TCOF1: variants seen among roughly 807,000 people sequenced by gnomAD.
TCOF1 encodes treacle ribosome biogenesis factor 1, also known as treacle protein.
A neutral mutation model predicts 149.0 loss-of-function variants in TCOF1; 33 were observed. The observed-to-expected ratio is 0.22, with a 90% CI of 0.17 to 0.30. The LOEUF (loss-of-function observed/expected upper bound fraction) is 0.30. Among genes scored for constraint, TCOF1 ranks in the 10% least tolerant of loss-of-function variants. TCOF1 has a pLI of 1.00. For missense variants in TCOF1, 1,728 were observed against 1,840.7 expected, an observed-to-expected ratio of 0.94 and a Z score of 1.12; for synonymous variants, 789 against 738.8, an observed-to-expected ratio of 1.07 and a Z score of -1.10.
intron 4 of TCOF1, chr5:150,368,247 C>T: frequency 7.6e-6 from 3 of 397,268 alleles, no homozygotes; most frequent in East Asian, 1.1e-4. Context: ...AGGCACTGTG[C>T]TAGGTGTGGA....
rs1340755610 is a variant in TCOF1 at position 150,376,183 on chromosome 5, C to T, written c.1995C>T (p.Ala665=). Residue 665 remains alanine (A), a synonymous_variant, in exon 13 of 27, where the codon GCC becomes GCT. Coordinates refer to ENST00000643257, the MANE Select transcript of TCOF1 (RefSeq NM_001371623.1). ...KVAPVRVGTQ[A]PRKAGTATSP... is the part of the protein sequence containing the mutation. ...CCCCTGTGCGAGTGGGCACCCAAGC[C>T]CCCCGGAAAGCAGGAACTGCGACTT... The T allele has an allele frequency of 6.2e-7, 1 of 1,614,202 alleles. No homozygotes were observed. The highest frequency in any genetic ancestry group is 1.7e-5 in the Admixed American group (1 of 60,036).
chr5:150,380,080 A>AAAG lies in TCOF1; in HGVS notation c.2859+350_2859+351insGAA, dbSNP rs553259432. ...AGAGTGAGACTGTCTCAAAAAAAAA[A>AAAG]AAAAAGAAAAAAAAGAAAAGTGAAA... On this transcript the variant is annotated intron_variant, in intron 17 of 26. Coordinates refer to ENST00000643257, the MANE Select transcript of TCOF1 (RefSeq NM_001371623.1). 299 of 265,590 alleles carry AAAG rather than the reference A, an allele frequency of 1.1e-3. 1 individual carries two copies. Among genetic ancestry groups the AAAG allele is most frequent in the African/African-American group, 6.4e-3 (287 of 44,834 alleles). 16.5% of individuals were successfully genotyped at this position (265,590 alleles called of 1,614,324 possible). A position where few individuals can be genotyped will look rare whatever the true frequency, so the allele number is the denominator to read the frequency against.
intron 23 of TCOF1, 137 bp downstream of exon 23, chr5:150,393,689 G>A: frequency 3.4e-6 from 4 of 1,190,464 alleles, no homozygotes; most frequent in Non-Finnish European, 4.8e-6. Context: ...GAGACCTTGT[G>A]GCCTTGCATT....
At chr5:150,365,400 AT>A (rs1479861477) in intron 3 of TCOF1, among the ~76,000 whole-genome samples, 28 of 151,806 alleles carry the variant, frequency 1.8e-4, no homozygotes, top group Non-Finnish European at 7.4e-5. Flanking sequence ...ATATCGCTTA[AT>A]TTTACATTAT....
chr5:150,379,329 C>T lies in TCOF1; in HGVS notation c.2579C>T (p.Ala860Val), dbSNP rs372885612. 1.2e-6 allele frequency: 2 copies of T among 1,614,102 alleles called. No homozygotes were observed. The highest frequency in any genetic ancestry group is 2.7e-5 in the African/African-American group (2 of 74,930). The change falls in exon 16 of 27, where the codon GCC becomes GTC. Residue 860 changes from alanine (A) to valine (V), a missense_variant. Physicochemically the swap from Ala to Val is moderately conservative, Grantham distance 64 (BLOSUM62 0). Transcript: ENST00000643257. ...VGKAVATAAQ[A>V]QTGPEEDSGS... ...AAGGCCGTGGCTACAGCAGCTCAGGCCCAGACAGGGCCAGAGGAGGACTCA... is the reference window on the plus strand; with the variant it reads ...AAGGCCGTGGCTACAGCAGCTCAGGTCCAGACAGGGCCAGAGGAGGACTCA...
intron 17 of TCOF1, chr5:150,385,129 A>G: frequency 1.0e-6 from 1 of 957,724 alleles, no homozygotes; most frequent in Non-Finnish European, 1.2e-6. Flanking sequence ...GTATCAAAAC[A>G]TCATGTTATA....
intron 2 of TCOF1, among the ~76,000 whole-genome samples, chr5:150,362,149 C>G (rs182308701): frequency 1.3e-5 from 2 of 152,202 alleles, no homozygotes; most frequent in Admixed American, 1.3e-4. Flanking sequence ...ACTTGTGTAC[C>G]CATGCATAGA....
In TCOF1 at chr5:150,375,006, A is replaced by G; in HGVS notation, c.1331A>G (p.Lys444Arg). The change falls in exon 10 of 27, where the codon AAG becomes AGG. Residue 444 changes from lysine to arginine, a missense_variant. Lys to Arg is a conservative substitution (Grantham distance 26). Coordinates refer to ENST00000643257, the MANE Select transcript of TCOF1 (RefSeq NM_001371623.1). ...GTCAGAGCCGCCTCGGCCCCTGCCA[A>G]GGAGTCCCCCAGGAAAGGGGCTGCC... is the stretch of plus-strand genomic sequence containing the variant. Reference protein sequence around the residue: ...PQVRAASAPAKESPRKGAAPA... With the variant: ...PQVRAASAPARESPRKGAAPA... The G allele has an allele frequency of 6.2e-7, 1 of 1,613,872 alleles. No homozygotes were observed. Among genetic ancestry groups the G allele is most frequent in the South Asian group, 1.1e-5 (1 of 91,084 alleles).
At chr5:150,369,078 A>G (rs973148307) in intron 5 of TCOF1, among the ~76,000 whole-genome samples, 176 bp downstream of exon 5, 2 of 152,226 alleles carry the variant, frequency 1.3e-5, no homozygotes, top group Non-Finnish European at 2.9e-5. Context: ...GTCAGCTTAC[A>G]GGGACCTGGC....
chr5:150,375,577 T>A, intron 11 of TCOF1, 23 bp downstream of exon 11: 1 of 1,613,246 alleles, frequency 6.2e-7, no homozygotes, highest in Non-Finnish European at 8.5e-7. Flanking sequence ...CCTGTAAGGC[T>A]CTTTCTTTTT....
chr5:150,398,896 C>T lies in TCOF1; in HGVS notation c.4444-126C>T, dbSNP rs994279840. ...AGAGCTGAACATCTGTTTGCCTCTG[C>T]CCTTGGAGGTCGCTGCAGACCCAGT... On this transcript the variant is annotated intron_variant, in intron 25 of 26. Coordinates refer to ENST00000643257, the MANE Select transcript of TCOF1 (RefSeq NM_001371623.1). 9.7e-6 allele frequency: 13 copies of T among 1,333,604 alleles called. No individual in the cohort carries two copies. The South Asian group carries it at 9.8e-5, about 10-fold the overall frequency. The allele number at this position is 1,333,604 out of a possible 1,614,324, so 82.6% of individuals were successfully genotyped here. A position where few individuals can be genotyped will look rare whatever the true frequency, so the allele number is the denominator to read the frequency against.
chr5:150,375,840 G>A lies in TCOF1; in HGVS notation c.1824G>A (p.Ser608=), dbSNP rs761705007. The A allele has an allele frequency of 4.3e-6, 7 of 1,614,074 alleles. No individual in the cohort carries two copies. The highest frequency in any genetic ancestry group is 3.3e-5 in the Admixed American group (2 of 60,006). The change falls in exon 12 of 27, where the codon TCG becomes TCA. Residue 608 remains serine (S), a synonymous_variant. Transcript: ENST00000643257. ...AGGCTGAAAAGCCCATGGACAACTC[G>A]GAGAGCAGCGAGGAGTCATCGGACA... ...QVKAEKPMDN[S]ESSEESSDSA...
chr5:150,369,495 G>A (rs1195412419), intron 5 of TCOF1, 34 bp from the exon 6 acceptor site: 4 of 1,613,508 alleles, frequency 2.5e-6, no homozygotes, highest in Non-Finnish European at 3.4e-6. Context: ...GCTGGAAAGG[G>A]AGTCCCTCAG....
At chr5:150,376,724 G>A in intron 14 of TCOF1, 104 bp downstream of exon 14, 1 of 1,210,610 alleles carries the variant, frequency 8.3e-7, no homozygotes, top group Non-Finnish European at 1.2e-6. Context: ...GTGTGCAGAA[G>A]CCTCAGAGGT....
At chr5:150,367,340 G>A (rs1236307524) in intron 3 of TCOF1, among the ~76,000 whole-genome samples, 4 of 152,150 alleles carry the variant, frequency 2.6e-5, no homozygotes, top group Non-Finnish European at 5.9e-5. Flanking sequence ...AGTGAATATC[G>A]ATATCTAACG....
chr5:150,392,523 C>A, intron 21 of TCOF1, 182 bp from the exon 22 acceptor site: 1 of 651,072 alleles, frequency 1.5e-6, no homozygotes. Context: ...TCGCACCTAG[C>A]ATGCTGTGAC....
chr5:150,398,543 A>T, intron 25 of TCOF1, 92 bp downstream of exon 25: 1 of 1,589,338 alleles, frequency 6.3e-7, no homozygotes, highest in Non-Finnish European at 8.6e-7. Flanking sequence ...CCCCCTTCCC[A>T]TTTTCGGGGC....
In TCOF1 at chr5:150,376,111, C is replaced by A; in HGVS notation, c.1923C>A (p.Thr641=). The A allele has an allele frequency of 6.2e-7, 1 of 1,614,228 alleles. No individual in the cohort carries two copies. The highest frequency in any genetic ancestry group is 1.1e-5 in the South Asian group (1 of 91,086). Residue 641 remains threonine (T), a synonymous_variant, in exon 13 of 27, where the codon ACC becomes ACA. Transcript: ENST00000643257. ...AACCAGCTCTGAAAATTCCTCAGAC[C>A]AAGGCCTGCCCAAAGAAAACCAATA... The part of the protein sequence containing the change: ...QAKPALKIPQ[T]KACPKKTNTT...
At position 150,383,319 on chromosome 5, in the gene TCOF1, A is replaced by G. The variant is rs371588164; in HGVS notation, c.2859+3587A>G. ...TTCCAGAGCTCTTTCCTCTATTGTG[A>G]CATTCATCTGAGCCCTGTGAGGCAG... On this transcript the variant is annotated intron_variant, in intron 17 of 26. Coordinates refer to ENST00000643257, the MANE Select transcript of TCOF1 (RefSeq NM_001371623.1). 54 of 704,592 alleles carry G rather than the reference A, an allele frequency of 7.7e-5. No individual in the cohort carries two copies. In the African/African-American group the frequency reaches 8.4e-4, roughly 11 times the overall value. The allele number at this position is 704,592 out of a possible 1,614,324, so 43.6% of individuals were successfully genotyped here.
Sources: allele counts gnomAD v4.1 joint callset (sites outside exome capture counted in the v4.1 genomes callset), GRCh38; gene constraint gnomAD v4.1.1; transcripts MANE v1.5; gene names NCBI Gene and HGNC (gene_info 2026-07-23, HGNC 2026-07-21).